Variants in ZNF839 observed in about 807,000 individuals in gnomAD.
ZNF839 encodes renal carcinoma antigen NY-REN-50.
In ZNF839, 38 loss-of-function variants were observed where a neutral mutation model predicts 56.4. That is an observed-to-expected ratio of 0.67 (90% CI 0.52 to 0.88). The LOEUF is 0.88. ZNF839 is among the 40% of genes least tolerant of loss of function. The pLI, the probability that ZNF839 is intolerant of heterozygous loss-of-function variation, is 0.00. For missense variants in ZNF839, 1,091 were observed against 1,177.6 expected, an observed-to-expected ratio of 0.93 and a Z score of 1.08; for synonymous variants, 486 against 493.5, an observed-to-expected ratio of 0.98 and a Z score of 0.20.
chr14:102,339,082 T>G lies in ZNF839; in HGVS notation c.1798-12T>G. On this transcript the variant is annotated splice_polypyrimidine_tract_variant and intron_variant, in intron 6 of 7. Coordinates refer to ENST00000442396, the MANE Select transcript of ZNF839 (RefSeq NM_018335.6). ...CCTTCCTATTCTAGCTGATTGGGTC[T>G]TCTCTTCACAGGCTGCGGAGGAGGG... 1 of 1,613,864 alleles carries G rather than the reference T, an allele frequency of 6.2e-7. No homozygotes were observed. Among genetic ancestry groups the G allele is most frequent in the Non-Finnish European group, 8.5e-7 (1 of 1,179,822 alleles).
At chr14:102,324,561 C>A (rs934883031) in intron 1 of ZNF839, among the ~76,000 whole-genome samples, 1 of 151,984 alleles carries the variant, frequency 6.6e-6, no homozygotes, top group African/African-American at 2.4e-5. Flanking sequence ...ATTAGCTGGT[C>A]ATGGTGGCAC....
intron 4 of ZNF839, chr14:102,334,923 T>TA (rs1175328615): frequency 6.2e-6 from 1 of 161,836 alleles, no homozygotes; most frequent in Admixed American, 6.3e-5. Context: ...TTAATTTATT[T>TA]AAAAAAATTT....
Position 102,341,399 on chromosome 14 carries a change from T to G in ZNF839, c.2004T>G (p.Asn668Lys). The change falls in exon 8 of 8, where the codon AAT (asparagine) becomes AAG (lysine). Residue 668 changes from asparagine (N) to lysine (K), a missense_variant. Around this residue, in one of 3 missense-constraint regions of ZNF839, gnomAD observed 431 missense variants for 468.0 expected, o/e 0.92. Coordinates refer to ENST00000442396, the MANE Select transcript of ZNF839 (RefSeq NM_018335.6). ...ATACAACGACGGTTTCTGGTGGCAA[T>G]GGGAGCGTGTTCCAGGCGGGCCCGC... ...ESHTTTVSGG[N>K]GSVFQAGPQL... is the part of the protein sequence containing the mutation. 6.4e-7 allele frequency: 1 copy of G among 1,568,110 alleles called. No homozygotes were observed.
chr14:102,326,473 T>C lies in ZNF839; in HGVS notation c.777T>C (p.Tyr259=). The C allele has an allele frequency of 1.2e-6, 2 of 1,613,982 alleles. No individual in the cohort carries two copies. Among genetic ancestry groups the C allele is most frequent in the Non-Finnish European group, 1.7e-6 (2 of 1,179,898 alleles). ...RSGRVSRPPK[Y]KAKDYKFIKT... is the part of the protein sequence containing the mutation. ...GACGGGTATCTCGACCTCCCAAATA[T>C]AAAGCTAAAGATTATAAGTTCATAA... Residue 259 remains tyrosine (Y), a synonymous_variant, in exon 2 of 8, where the codon TAT becomes TAC. Transcript: ENST00000442396. This position sits in a 1 kb window ranked among gnomAD's most constrained non-coding sequence, Gnocchi z 4.3.
chr14:102,323,848 G>A (rs2073260835), intron 1 of ZNF839, among the ~76,000 whole-genome samples: 2 of 152,094 alleles, frequency 1.3e-5, no homozygotes, highest in Admixed American at 1.3e-4. Context: ...ATAGGAGACT[G>A]GTGTACTCAT....
intron 3 of ZNF839, among the ~76,000 whole-genome samples, chr14:102,333,756 A>T (rs555531691): frequency 2.6e-5 from 4 of 152,210 alleles, no homozygotes; most frequent in Admixed American, 2.6e-4. Flanking sequence ...CTCTTCATTG[A>T]AACATCTCCA....
At position 102,341,711 on chromosome 14, in the gene ZNF839, C is replaced by T. The variant is rs753173861; in HGVS notation, c.2316C>T (p.Leu772=). The T allele has an allele frequency of 6.7e-5, 108 of 1,613,864 alleles. No individual in the cohort carries two copies. The highest frequency in any genetic ancestry group is 8.5e-5 in the Non-Finnish European group (100 of 1,179,886). ...CTGGACATGCAGAGGCAGGACACCT[C>T]GGCAAGGTTTGTGACTTCCACCTGA... ...GGPGHAEAGH[L]GKVCDFHLNH... The change falls in exon 8 of 8, where the codon CTC becomes CTT. Residue 772 remains leucine (L), a synonymous_variant. Transcript: ENST00000442396.
At chr14:102,337,409 T>G (rs1486201580) in intron 5 of ZNF839, 4 of 152,018 alleles carry the variant, frequency 2.6e-5, no homozygotes, top group African/African-American at 9.7e-5. Context: ...CCTCAAGTGA[T>G]CCGCCCGCCT....
chr14:102,336,855 T>G, intron 5 of ZNF839: 1 of 232,532 alleles, frequency 4.3e-6, no homozygotes, highest in South Asian at 4.5e-5. Context: ...CACATAAGCC[T>G]CCTGAGTAGC....
chr14:102,331,686 G>C lies in ZNF839; in HGVS notation c.1256G>C (p.Arg419Pro). 1 of 1,612,026 alleles carries C rather than the reference G, an allele frequency of 6.2e-7. No homozygotes were observed. The highest frequency in any genetic ancestry group is 8.5e-7 in the Non-Finnish European group (1 of 1,179,034). ...PSEPENGALL[R>P]SERYQGPRRR... Reference sequence around the variant, plus strand: ...GAACCAGAAAATGGAGCTCTTTTGCGATCAGAGAGATACCAAGGACCTAGA... The same window carrying C: ...GAACCAGAAAATGGAGCTCTTTTGCCATCAGAGAGATACCAAGGACCTAGA... Residue 419 changes from arginine to proline, a missense_variant, in exon 3 of 8, where the codon CGA becomes CCA. Around this residue, in one of 3 missense-constraint regions of ZNF839, gnomAD observed 614 missense variants for 629.2 expected, o/e 0.98. Coordinates refer to ENST00000442396, the MANE Select transcript of ZNF839 (RefSeq NM_018335.6).
intron 5 of ZNF839, 140 bp downstream of exon 5, chr14:102,335,978 A>G: frequency 1.0e-6 from 1 of 966,466 alleles, no homozygotes; most frequent in Non-Finnish European, 1.5e-6. Context: ...CAGGAGTTTG[A>G]GACCAGCCTG....
chr14:102,341,184 T>G, intron 7 of ZNF839, 139 bp from the exon 8 acceptor site: 7 of 964,808 alleles, frequency 7.3e-6, no homozygotes, highest in Non-Finnish European at 9.9e-6. Context: ...TTGCTACCAA[T>G]CCCAAGGAGC....
At position 102,341,931 on chromosome 14, in the gene ZNF839, C is replaced by G; in HGVS notation, c.2536C>G (p.Arg846Gly). Residue 846 changes from arginine to glycine, a missense_variant, in exon 8 of 8, where the codon CGG becomes GGG. This residue lies in a region of ZNF839 where 431 missense variants were observed against 468.0 expected (regional missense o/e 0.92). Transcript: ENST00000442396. ...CAGAAGCCTTTCGGGGGACTTGAACCGGTTCCCCTGTGGGATGGAGGTGCA... is the reference window on the plus strand; with the variant it reads ...CAGAAGCCTTTCGGGGGACTTGAACGGGTTCCCCTGTGGGATGGAGGTGCA... ...CLRSLSGDLNRFPCGMEVHSG... is the reference protein window; with the variant it reads ...CLRSLSGDLNGFPCGMEVHSG... 1 of 1,614,012 alleles carries G rather than the reference C, an allele frequency of 6.2e-7. No homozygotes were observed. Among genetic ancestry groups the G allele is most frequent in the Non-Finnish European group, 8.5e-7 (1 of 1,179,894 alleles).
rs138067590 is a variant in ZNF839 at position 102,325,736 on chromosome 14, C to T, written c.289-249C>T. On this transcript the variant is annotated intron_variant, in intron 1 of 7. Transcript: ENST00000442396. ...TCTCGAACTCCTGACCTCAAGTAAT[C>T]GGCCTGCCTTGGCCTCCCAAAGTGC... 1.2e-3 allele frequency among the ~76,000 whole-genome samples: 179 copies of T among 152,194 alleles called. 1 individual carries two copies. Among genetic ancestry groups the T allele is most frequent in the Middle Eastern group, 3.4e-3 (1 of 294 alleles).
intron 1 of ZNF839, among the ~76,000 whole-genome samples, chr14:102,324,204 A>G (rs1187256797): frequency 6.6e-6 from 1 of 152,146 alleles, no homozygotes; most frequent in African/African-American, 2.4e-5. Context: ...ATGGGCCCAC[A>G]TTATGAATTA....
At chr14:102,331,218 T>C (rs2139530336) in intron 2 of ZNF839, among the ~76,000 whole-genome samples, 1 of 152,264 alleles carries the variant, frequency 6.6e-6, no homozygotes, top group East Asian at 1.9e-4. Flanking sequence ...TCAGGTCAGG[T>C]TTTAAAATGA....
intron 2 of ZNF839, among the ~76,000 whole-genome samples, chr14:102,330,214 TTC>T (rs934160789): frequency 2.0e-5 from 3 of 151,978 alleles, no homozygotes; most frequent in Admixed American, 6.6e-5. Flanking sequence ...TCTATTATAA[TTC>T]TCTCTCTTTT....
intron 7 of ZNF839, among the ~76,000 whole-genome samples, chr14:102,339,748 CAAAA>C (rs377720994): frequency 7.0e-6 from 1 of 143,274 alleles, no homozygotes; most frequent in East Asian, 2.0e-4. Context: ...GACTCCATCT[CAAAA>C]AAAAAAGGAG....
rs761136954 is a variant in ZNF839, at chr14:102,319,920, AGCCGCC to A, written c.168_173del (p.Pro58_Pro59del). On this transcript the variant is annotated inframe_deletion, in exon 1 of 8. Coordinates refer to ENST00000442396, the MANE Select transcript of ZNF839 (RefSeq NM_018335.6). The surrounding 1 kb of genome is among the most constrained non-coding windows in gnomAD (Gnocchi z 4.5). ...GTCCTGGAGCAGGTGACGAAGGCGCAGCCGCCGCCGCCGCCGCCCCCCTTCGTGCTG... is the reference window on the plus strand; with the variant it reads ...GTCCTGGAGCAGGTGACGAAGGCGCAGCCGCCGCCGCCCCCCTTCGTGCTG... 1.2e-4 allele frequency: 140 copies of A among 1,122,324 alleles called. 2 individuals are homozygous for A. Among genetic ancestry groups the A allele is most frequent in the Middle Eastern group, 3.8e-4 (1 of 2,610 alleles). The allele number at this position is 1,122,324 out of a possible 1,614,324, so 69.5% of individuals were successfully genotyped here.
Sources: allele counts gnomAD v4.1 joint callset (sites outside exome capture counted in the v4.1 genomes callset), GRCh38; gene constraint gnomAD v4.1.1; regional missense constraint gnomAD v4.1.1; non-coding constraint Gnocchi (gnomAD v3.1); transcripts MANE v1.5; gene names NCBI Gene and HGNC (gene_info 2026-07-23, HGNC 2026-07-21).